Variants in SYT14 observed in about 807,000 individuals in gnomAD.
SYT14 encodes the protein synaptotagmin-14.
SYT14 carries 32 observed loss-of-function variants against 74.2 expected under a neutral mutation model. The observed-to-expected ratio is 0.43, with a 90% CI of 0.33 to 0.58. SYT14 has a LOEUF of 0.58. Ranked by LOEUF, SYT14 falls within the 20% of genes least tolerant of loss-of-function variation. The pLI is 0.05. For missense variants in SYT14, 791 were observed against 981.8 expected (o/e 0.81, Z 2.60); for synonymous variants, 298 against 337.7 (o/e 0.88, Z 1.29).
At chr1:210,063,441 G>A (rs1329707105) in intron 5 of SYT14, among the ~76,000 whole-genome samples, 1 of 151,744 alleles carries the variant, frequency 6.6e-6, no homozygotes, top group Non-Finnish European at 1.5e-5. Flanking sequence ...AGTGTCTAAT[G>A]CTGTAACATC....
intron 5 of SYT14, among the ~76,000 whole-genome samples, chr1:210,049,062 C>T (rs1402979095): frequency 1.3e-5 from 2 of 152,354 alleles, no homozygotes; most frequent in East Asian, 1.9e-4. Flanking sequence ...CATCTCCGCC[C>T]CTGTGGCTCT....
At chr1:209,984,632 T>A (rs1451774307) in intron 2 of SYT14, among the ~76,000 whole-genome samples, 1 of 152,248 alleles carries the variant, frequency 6.6e-6, no homozygotes, top group African/African-American at 2.4e-5. Context: ...GCAGATTTGC[T>A]GGTGATGTTG....
chr1:210,057,955 G>A (rs1335963275), intron 5 of SYT14, among the ~76,000 whole-genome samples: 3 of 152,100 alleles, frequency 2.0e-5, no homozygotes, highest in South Asian at 2.1e-4. Flanking sequence ...TCTTACATAG[G>A]CATTTGATTA....
chr1:209,990,547 A>ATACGTATATATATG (rs371786883), intron 2 of SYT14, among the ~76,000 whole-genome samples: 3 of 4,960 alleles, frequency 6.0e-4, no homozygotes, highest in African/African-American at 2.5e-3. Flanking sequence ...ACGTATATAT[A>ATACGTATATATATG]TGTATATATA....
chr1:210,022,780 C>T (rs535911385), intron 5 of SYT14, among the ~76,000 whole-genome samples: 9 of 152,234 alleles, frequency 5.9e-5, no homozygotes, highest in South Asian at 2.1e-4. Flanking sequence ...AAAAGAGTGA[C>T]GGTCATGAGC....
At chr1:210,005,619 A>G (rs1486042538) in intron 2 of SYT14, among the ~76,000 whole-genome samples, 1 of 151,966 alleles carries the variant, frequency 6.6e-6, no homozygotes, top group African/African-American at 2.4e-5. Flanking sequence ...TCGTTGTTCA[A>G]AAGAATGACT....
chr1:210,070,623 A>G (rs1006987063), intron 5 of SYT14, among the ~76,000 whole-genome samples: 4 of 152,106 alleles, frequency 2.6e-5, no homozygotes, highest in Admixed American at 2.6e-4. Context: ...AACTTGCATA[A>G]TGCCTGGCAC....
At chr1:210,138,492 C>T (rs769204241) in intron 7 of SYT14, among the ~76,000 whole-genome samples, 10 of 152,096 alleles carry the variant, frequency 6.6e-5, no homozygotes, top group Admixed American at 1.3e-4. Flanking sequence ...CTAATAAAGC[C>T]ACTTCTCCCA....
chr1:210,060,151 G>C (rs1435222324), intron 5 of SYT14, among the ~76,000 whole-genome samples: 2 of 152,132 alleles, frequency 1.3e-5, no homozygotes, highest in Non-Finnish European at 2.9e-5. Flanking sequence ...TCTGTACTCA[G>C]GAGACTTGTA....
intron 7 of SYT14, among the ~76,000 whole-genome samples, chr1:210,115,229 G>T (rs1437872597): frequency 1.3e-5 from 2 of 151,366 alleles, no homozygotes; most frequent in African/African-American, 4.9e-5. Flanking sequence ...GGTGTGAGTT[G>T]AAGAGGTTTT....
intron 2 of SYT14, among the ~76,000 whole-genome samples, chr1:209,996,914 A>G (rs1033587155): frequency 6.6e-6 from 1 of 152,138 alleles, no homozygotes; most frequent in African/African-American, 2.4e-5. Flanking sequence ...AAAATCCAGT[A>G]TCCCTTCATG....
intron 7 of SYT14, among the ~76,000 whole-genome samples, chr1:210,154,071 T>G (rs2083221349): frequency 6.6e-6 from 1 of 152,230 alleles, no homozygotes; most frequent in Admixed American, 6.5e-5. Context: ...CATTATTAAT[T>G]AGAATTCACT....
chr1:210,060,722 G>A (rs1324544717), intron 5 of SYT14, among the ~76,000 whole-genome samples: 2 of 152,018 alleles, frequency 1.3e-5, no homozygotes, highest in Admixed American at 6.6e-5. Context: ...TTATTGCTGA[G>A]TGAGATCACA....
chr1:210,017,008 C>A, exon 4 of SYT14: 2 of 1,231,690 alleles, frequency 1.6e-6, no homozygotes, highest in Non-Finnish European at 2.0e-6. Context: ...TGAACGAAGA[C>A]ATAAAACCAA....
chr1:210,103,410 C>CAGGTGCCTGTA (rs1222982321), intron 7 of SYT14, among the ~76,000 whole-genome samples: 2 of 151,644 alleles, frequency 1.3e-5, no homozygotes, highest in Non-Finnish European at 2.9e-5. Context: ...ATTAGCCGGG[C>CAGGTGCCTGTA]GTGGTGGCAG....
At chr1:210,133,855 T>C (rs984238622) in intron 7 of SYT14, among the ~76,000 whole-genome samples, 14 of 150,316 alleles carry the variant, frequency 9.3e-5, no homozygotes, top group East Asian at 3.9e-4. Context: ...TTTTTTTTTT[T>C]TGGAGAGCTT....
intron 5 of SYT14, among the ~76,000 whole-genome samples, chr1:210,076,707 G>A (rs906922991): frequency 1.2e-4 from 18 of 151,924 alleles, no homozygotes; most frequent in African/African-American, 4.1e-4. Context: ...GGGAGCCAGC[G>A]CTTCACATGG....
At position 210,155,994 on chromosome 1, in the gene SYT14, A is replaced by G. The variant is rs1011494874; in HGVS notation, c.2224+84A>G. On this transcript the variant is annotated intron_variant, in intron 8 of 9. Coordinates refer to ENST00000637265, the Ensembl canonical transcript of SYT14. ...ATTAGGGAGTTCAATCCTATCATTT[A>G]GTCTTAACCAATCAAAATGAAATGG... 1.5e-5 allele frequency: 18 copies of G among 1,182,930 alleles called. 1 individual carries two copies. The highest frequency in any genetic ancestry group is 3.9e-4 in the Middle Eastern group (2 of 5,180). 73.3% of individuals were successfully genotyped at this position (1,182,930 alleles called of 1,614,324 possible). A position where few individuals can be genotyped will look rare whatever the true frequency, so the allele number is the denominator to read the frequency against.
intron 7 of SYT14, among the ~76,000 whole-genome samples, chr1:210,101,103 G>C (rs1055727471): frequency 1.3e-5 from 2 of 151,960 alleles, no homozygotes; most frequent in Admixed American, 6.6e-5. Context: ...ATCTCTCTCT[G>C]TCTTCATATT....
Sources: allele counts gnomAD v4.1 joint callset (sites outside exome capture counted in the v4.1 genomes callset), GRCh38; gene constraint gnomAD v4.1.1; transcripts MANE v1.5; gene names NCBI Gene and HGNC (gene_info 2026-07-23, HGNC 2026-07-21).